The following CAPN1 variants were observed in gnomAD, a reference collection of about 807,000 sequenced individuals.
CAPN1 encodes the protein calpain 1.
Under a neutral mutation model 105.2 loss-of-function variants are expected in CAPN1, and 77 were observed. That is an observed-to-expected ratio of 0.73 (90% confidence interval 0.61 to 0.88). The LOEUF is 0.88. Among genes scored for constraint, CAPN1 ranks in the 40% least tolerant of loss-of-function variants. The pLI, the probability that CAPN1 is intolerant of heterozygous loss-of-function variation, is 0.00. For synonymous variants in CAPN1, 355 were observed against 388.8 expected, an observed-to-expected ratio of 0.91 and a Z score of 1.02; for missense variants, 833 against 976.6, an observed-to-expected ratio of 0.85 and a Z score of 1.96.
Position 65,189,085 on chromosome 11 carries a change from G to A in CAPN1, c.1165+339G>A, listed in dbSNP as rs1948684233. ...GTTGCCCAGGCTGGAGTGCAGTAGC[G>A]TGGCCTTGGCTGACTACAACCTCCA... On this transcript the variant is annotated intron_variant, in intron 10 of 21. Transcript: ENST00000279247. 3.3e-5 allele frequency among the ~76,000 whole-genome samples: 5 copies of A among 151,820 alleles called. No individual in the cohort carries two copies. In the South Asian group the frequency reaches 8.3e-4, roughly 25 times the overall value.
At chr11:65,203,597 G>A (rs2137377550) in intron 10 of CAPN1, 1 of 152,388 alleles carries the variant, frequency 6.6e-6, no homozygotes, top group East Asian at 1.9e-4. Context: ...CTGACCTCAA[G>A]TGATCCGTCT....
intron 10 of CAPN1, among the ~76,000 whole-genome samples, chr11:65,193,399 C>A (rs969048378): frequency 2.0e-5 from 3 of 151,874 alleles, no homozygotes; most frequent in African/African-American, 7.3e-5. Flanking sequence ...CAATATAAAT[C>A]TTTACAAATA....
chr11:65,204,964 C>A (rs1447936375), intron 11 of CAPN1, 106 bp downstream of exon 11: 1 of 912,564 alleles, frequency 1.1e-6, no homozygotes, highest in Non-Finnish European at 1.7e-6. Context: ...AGGGACCATG[C>A]CCTTCCCCAC....
At chr11:65,185,802 T>C in intron 4 of CAPN1, 115 bp from the exon 5 acceptor site, 1 of 1,061,038 alleles carries the variant, frequency 9.4e-7, no homozygotes, top group Admixed American at 2.6e-5. Context: ...TTAGTCTATG[T>C]GTATCTAGTA....
Position 65,210,507 on chromosome 11 carries a change from A to G in CAPN1, c.2059+55A>G. The G allele has an allele frequency of 2.8e-6, 3 of 1,068,850 alleles. No individual in the cohort carries two copies. Among genetic ancestry groups the G allele is most frequent in the South Asian group, 2.6e-5 (2 of 76,378 alleles). 66.2% of individuals were successfully genotyped at this position (1,068,850 alleles called of 1,614,324 possible). A position where few individuals can be genotyped will look rare whatever the true frequency, so the allele number is the denominator to read the frequency against. On this transcript the variant is annotated intron_variant, in intron 20 of 21. Coordinates refer to ENST00000279247, the MANE Select transcript of CAPN1 (RefSeq NM_005186.4). This position sits in a 1 kb window ranked among gnomAD's most constrained non-coding sequence, Gnocchi z 4.3. ...CAGCTCCGTCCCAAACGCGTCCCCC[A>G]GGAGCTGGGGGGAATGACAGATGGG...
Position 65,204,762 on chromosome 11 carries a change from A to G in CAPN1, c.1245A>G (p.Ser415=). ...DDPDDYGDRE[S]GCSFVLALMQ... is the part of the protein sequence containing the mutation. ...CGGACGACTACGGGGACCGCGAGTC[A>G]GGCTGCAGCTTCGTGCTCGCCCTTA... Residue 415 remains serine, a synonymous_variant, in exon 11 of 22, where the codon TCA becomes TCG. Transcript: ENST00000279247. The G allele has an allele frequency of 1.2e-6, 2 of 1,613,146 alleles. No individual in the cohort carries two copies. Among genetic ancestry groups the G allele is most frequent in the Non-Finnish European group, 1.7e-6 (2 of 1,179,864 alleles).
chr11:65,188,358 A>G lies in CAPN1; in HGVS notation c.930-56A>G. 6.7e-7 allele frequency: 1 copy of G among 1,483,916 alleles called. No homozygotes were observed. The highest frequency in any genetic ancestry group is 1.7e-4 in the Middle Eastern group (1 of 5,870). The allele number at this position is 1,483,916 out of a possible 1,614,324, so 91.9% of individuals were successfully genotyped here. A position where few individuals can be genotyped will look rare whatever the true frequency, so the allele number is the denominator to read the frequency against. The stretch of plus-strand genomic sequence containing the variant: ...AGGCCAGGGTAGACAGGCCCCAGGG[A>G]CAGAGGCCAGGCAGGTCAGTGCCCA... On this transcript the variant is annotated intron_variant, in intron 8 of 21. Coordinates refer to ENST00000279247, the MANE Select transcript of CAPN1 (RefSeq NM_005186.4). The surrounding 1 kb of genome is among the most constrained non-coding windows in gnomAD (Gnocchi z 5.5).
Position 65,206,781 on chromosome 11 carries a change from G to T in CAPN1, c.1567G>T (p.Glu523Ter). Residue 523 changes from glutamate to a stop codon, truncating the protein, a stop_gained and splice_region_variant, in exon 14 of 22, where the codon GAG becomes TAG. Transcript: ENST00000279247. LOFTEE classifies it high-confidence loss of function. Reference protein sequence around the residue: ...FFSEKSAGTVELDDQIQANLP... With the variant: ...FFSEKSAGTV ...TCCTTTCCTCCCCACTCTCTGCAGG[G>T]AGCTGGATGACCAGATCCAGGCCAA... is the stretch of plus-strand genomic sequence containing the variant. 2 of 1,612,834 alleles carry T rather than the reference G, an allele frequency of 1.2e-6. No individual in the cohort carries two copies. Among genetic ancestry groups the T allele is most frequent in the Non-Finnish European group, 1.7e-6 (2 of 1,179,576 alleles).
chr11:65,210,979 A>G lies in CAPN1; in HGVS notation c.2118+107A>G. Reference sequence around the variant, plus strand: ...TCCTGGAAATGAGCCTGGGCCTCAGAGCCAACCCTGAAGCCCGGGCCACCT... The same window carrying G: ...TCCTGGAAATGAGCCTGGGCCTCAGGGCCAACCCTGAAGCCCGGGCCACCT... On this transcript the variant is annotated intron_variant, in intron 21 of 21. Transcript: ENST00000279247. The surrounding 1 kb of genome is among the most constrained non-coding windows in gnomAD (Gnocchi z 4.3). 2 of 1,064,546 alleles carry G rather than the reference A, an allele frequency of 1.9e-6. No individual in the cohort carries two copies. Among genetic ancestry groups the G allele is most frequent in the Non-Finnish European group, 2.9e-6 (2 of 687,504 alleles). The allele number at this position is 1,064,546 out of a possible 1,614,324, so 65.9% of individuals were successfully genotyped here.
At chr11:65,204,340 C>T (rs927990579) in intron 10 of CAPN1, among the ~76,000 whole-genome samples, 1 of 152,038 alleles carries the variant, frequency 6.6e-6, no homozygotes, top group Non-Finnish European at 1.5e-5. Context: ...TCTGGGGTGC[C>T]CTCCGCCTGG....
intron 4 of CAPN1, among the ~76,000 whole-genome samples, chr11:65,185,502 A>G (rs1157933218): frequency 9.2e-5 from 14 of 152,024 alleles, no homozygotes. Flanking sequence ...GATTTTCTCT[A>G]CAGATGCAAA....
intron 10 of CAPN1, among the ~76,000 whole-genome samples, chr11:65,190,773 C>T (rs1163447092): frequency 1.3e-5 from 2 of 150,364 alleles, no homozygotes; most frequent in East Asian, 1.9e-4. Context: ...AGTGCAGTGG[C>T]GCGATCTCGG....
chr11:65,195,100 G>T (rs112554817), intron 10 of CAPN1, among the ~76,000 whole-genome samples: 2,471 of 90,720 alleles, frequency 0.027, 59 homozygotes, highest in South Asian at 0.049. Flanking sequence ...GTTTTTTGGG[G>T]TTTTTTTTTT....
rs1289521566 is a variant in CAPN1 at position 65,210,634 on chromosome 11, G to T, written c.2060-180G>T. ...AGTGCCAGGAGAGTCGGGGAGGGAG[G>T]GAGTTGACAGTGGCTTCTCAGGCAG... is the stretch of plus-strand genomic sequence containing the variant. On this transcript the variant is annotated intron_variant, in intron 20 of 21. Transcript: ENST00000279247. The surrounding 1 kb of genome is among the most constrained non-coding windows in gnomAD (Gnocchi z 4.3). Among the ~76,000 whole-genome samples, 1 of 152,134 alleles carries T rather than the reference G, an allele frequency of 6.6e-6. No homozygotes were observed. Among genetic ancestry groups the T allele is most frequent in the East Asian group, 1.9e-4 (1 of 5,180 alleles).
chr11:65,186,550 C>G (rs1031512640), intron 6 of CAPN1, among the ~76,000 whole-genome samples: 6 of 152,134 alleles, frequency 3.9e-5, no homozygotes, highest in African/African-American at 1.4e-4. Context: ...CCCAAAACTT[C>G]ACACCTCAGC....
intron 21 of CAPN1, 133 bp downstream of exon 21, chr11:65,211,005 G>A: frequency 1.1e-6 from 1 of 872,080 alleles, no homozygotes. Context: ...CGGGCCACCT[G>A]AATCCTGAAA....
Position 65,204,757 on chromosome 11 carries a change from G to A in CAPN1, c.1240G>A (p.Glu414Lys). 2.5e-6 allele frequency: 4 copies of A among 1,613,148 alleles called. No individual in the cohort carries two copies. The highest frequency in any genetic ancestry group is 3.4e-6 in the Non-Finnish European group (4 of 1,179,858). ...TDDPDDYGDR[E>K]SGCSFVLALM... The stretch of plus-strand genomic sequence containing the variant: ...TGACCCGGACGACTACGGGGACCGC[G>A]AGTCAGGCTGCAGCTTCGTGCTCGC... The change falls in exon 11 of 22, where the codon GAG becomes AAG. Residue 414 changes from glutamate to lysine, a missense_variant. Coordinates refer to ENST00000279247, the MANE Select transcript of CAPN1 (RefSeq NM_005186.4).
intron 10 of CAPN1, among the ~76,000 whole-genome samples, chr11:65,192,484 G>A (rs867858916): frequency 7.9e-5 from 12 of 152,058 alleles, no homozygotes; most frequent in African/African-American, 1.9e-4. Flanking sequence ...GGTAGAACTT[G>A]TCTGTAAAGC....
At chr11:65,191,503 C>T (rs747181975) in intron 10 of CAPN1, among the ~76,000 whole-genome samples, 31 of 152,096 alleles carry the variant, frequency 2.0e-4, no homozygotes, top group Non-Finnish European at 3.8e-4. Flanking sequence ...CTCAGCTTCC[C>T]GAGTAGCTGG....
Sources: gnomAD v4.1 joint callset for allele counts (sites outside exome capture counted in the v4.1 genomes callset) on GRCh38, gnomAD v4.1.1 for gene constraint, Gnocchi (gnomAD v3.1) non-coding constraint, MANE v1.5 for transcripts, NCBI Gene and HGNC (gene_info 2026-07-23, HGNC 2026-07-21) for gene names.